The following DYNC1I1 variants were observed in gnomAD, a reference collection of about 807,000 sequenced individuals.
DYNC1I1 encodes the protein cytoplasmic dynein 1 intermediate chain 1.
In DYNC1I1, 43 loss-of-function variants were observed where a neutral mutation model predicts 86.6. The observed-to-expected ratio is 0.50, with a 90% confidence interval of 0.39 to 0.64. DYNC1I1 has a LOEUF of 0.64. Ranked by LOEUF, DYNC1I1 falls within the 30% of genes least tolerant of loss-of-function variation. DYNC1I1 has a pLI of 0.00. For missense variants in DYNC1I1, 604 were observed against 788.8 expected, an observed-to-expected ratio of 0.77 and a Z score of 2.81; for synonymous variants, 262 against 283.7, an observed-to-expected ratio of 0.92 and a Z score of 0.77.
At chr7:95,783,709 G>T (rs1318945203) in intron 1 of DYNC1I1, among the ~76,000 whole-genome samples, 1 of 152,112 alleles carries the variant, frequency 6.6e-6, no homozygotes, top group African/African-American at 2.4e-5. Flanking sequence ...CTCCTCTTTT[G>T]TTTTTGGACC....
intron 11 of DYNC1I1, among the ~76,000 whole-genome samples, chr7:96,032,273 T>A (rs1794831543): frequency 6.6e-6 from 1 of 152,158 alleles, no homozygotes; most frequent in South Asian, 2.1e-4. Flanking sequence ...AAGTCAGTAG[T>A]TCTACCCTTT....
At chr7:95,825,050 AC>A (rs1393479500) in intron 4 of DYNC1I1, among the ~76,000 whole-genome samples, 6 of 152,302 alleles carry the variant, frequency 3.9e-5, no homozygotes, top group Admixed American at 3.3e-4. Flanking sequence ...CCTTGGCTTC[AC>A]CCCTTAGCCC....
chr7:95,773,383 G>C (rs1007299172), intron 1 of DYNC1I1, among the ~76,000 whole-genome samples: 1 of 152,070 alleles, frequency 6.6e-6, no homozygotes, highest in Non-Finnish European at 1.5e-5. Context: ...ACACCTTCAC[G>C]GCCGCCTGGC....
chr7:95,902,577 G>A (rs1277715295), intron 6 of DYNC1I1, among the ~76,000 whole-genome samples: 1 of 152,170 alleles, frequency 6.6e-6, no homozygotes, highest in Non-Finnish European at 1.5e-5. Flanking sequence ...ATATGTTATT[G>A]CTATGCTTGA....
intron 1 of DYNC1I1, among the ~76,000 whole-genome samples, chr7:95,789,794 T>C (rs980186448): frequency 6.6e-6 from 1 of 152,192 alleles, no homozygotes; most frequent in Non-Finnish European, 1.5e-5. Flanking sequence ...GAATTAAAAA[T>C]TTTTCAGTTT....
intron 14 of DYNC1I1, among the ~76,000 whole-genome samples, chr7:96,056,849 G>T (rs973387773): frequency 1.1e-4 from 17 of 152,186 alleles, no homozygotes; most frequent in East Asian, 9.6e-4. Flanking sequence ...TGCATATATG[G>T]CATGTGAAGT....
chr7:96,001,069 C>T (rs1197093078), intron 10 of DYNC1I1, among the ~76,000 whole-genome samples: 2 of 152,168 alleles, frequency 1.3e-5, no homozygotes, highest in Non-Finnish European at 2.9e-5. Context: ...TGCTGCATCC[C>T]GTTAATGTGC....
chr7:95,876,029 T>C (rs1343915605), intron 6 of DYNC1I1, among the ~76,000 whole-genome samples: 1 of 152,154 alleles, frequency 6.6e-6, no homozygotes, highest in African/African-American at 2.4e-5. Context: ...CCTCACCTGT[T>C]CTTTTCTCAG....
chr7:95,912,464 A>C (rs899717921), intron 6 of DYNC1I1, among the ~76,000 whole-genome samples: 5 of 152,312 alleles, frequency 3.3e-5, no homozygotes, highest in African/African-American at 1.2e-4. Flanking sequence ...TCTCTTGTTC[A>C]GGGTGTGCAG....
intron 1 of DYNC1I1, among the ~76,000 whole-genome samples, chr7:95,784,761 G>A (rs1412682023): frequency 1.3e-5 from 2 of 152,198 alleles, no homozygotes; most frequent in African/African-American, 4.8e-5. Context: ...GGAAGTTCAA[G>A]CATGTCACCT....
At chr7:95,837,274 C>T (rs1408121108) in intron 5 of DYNC1I1, among the ~76,000 whole-genome samples, 2 of 151,876 alleles carry the variant, frequency 1.3e-5, no homozygotes, top group African/African-American at 4.8e-5. Context: ...CCCAGTTAGG[C>T]TGCTCGGGGG....
intron 10 of DYNC1I1, among the ~76,000 whole-genome samples, chr7:95,999,710 G>T (rs1168414181): frequency 1.3e-5 from 2 of 152,150 alleles, no homozygotes; most frequent in African/African-American, 4.8e-5. Flanking sequence ...GGGACAGAAA[G>T]TTAGGACTCG....
At chr7:95,966,227 A>G (rs1168783894) in intron 6 of DYNC1I1, among the ~76,000 whole-genome samples, 1 of 152,208 alleles carries the variant, frequency 6.6e-6, no homozygotes, top group East Asian at 1.9e-4. Flanking sequence ...GGCACTCTTT[A>G]TTCACATCTG....
intron 9 of DYNC1I1, among the ~76,000 whole-genome samples, chr7:95,994,404 A>T (rs1039799899): frequency 1.3e-5 from 2 of 152,324 alleles, no homozygotes; most frequent in Admixed American, 6.5e-5. Flanking sequence ...AGCTGATAAC[A>T]GGCAAGGAAG....
At position 96,061,712 on chromosome 7, in the gene DYNC1I1, TCA is replaced by T. The variant is rs147547424; in HGVS notation, c.1510-14323_1510-14322del. 6.7e-3 allele frequency among the ~76,000 whole-genome samples: 919 copies of T among 136,830 alleles called. 1 individual carries two copies. The highest frequency in any genetic ancestry group is 0.022 in the Middle Eastern group (6 of 270). The allele number at this position is 136,830 out of a possible 152,430, so 89.8% of individuals were successfully genotyped here. ...CTCCCTCCCTCTCTCTCTCTCTCTC[TCA>T]CACACACACACACACACACACGCAC... On this transcript the variant is annotated intron_variant, in intron 14 of 16. Transcript: ENST00000447467.
intron 5 of DYNC1I1, among the ~76,000 whole-genome samples, chr7:95,835,934 A>C (rs953790234): frequency 6.6e-6 from 1 of 152,166 alleles, no homozygotes; most frequent in African/African-American, 2.4e-5. Flanking sequence ...CCAATTTGCC[A>C]GTCTGTATCT....
intron 6 of DYNC1I1, among the ~76,000 whole-genome samples, chr7:95,968,824 CTGTGTGTGTGTGTGTG>C (rs56022930): frequency 2.0e-4 from 19 of 94,356 alleles, no homozygotes; most frequent in African/African-American, 3.2e-4. Context: ...ATTTTTTGCT[CTGTGTGTGTGTGTGTG>C]TGTGTGTGTG....
At chr7:96,025,839 G>GC (rs991829342) in intron 10 of DYNC1I1, among the ~76,000 whole-genome samples, 7 of 111,854 alleles carry the variant, frequency 6.3e-5, no homozygotes, top group East Asian at 3.4e-4. Context: ...GTACAAGCTT[G>GC]CGGGGGGGGG....
chr7:95,848,486 CTTG>C (rs746162593), intron 5 of DYNC1I1, among the ~76,000 whole-genome samples: 13 of 152,060 alleles, frequency 8.5e-5, no homozygotes, highest in Admixed American at 3.3e-4. Flanking sequence ...TCATACAGTA[CTTG>C]TTGTTCTGTA....
Sources: gnomAD v4.1 joint callset for allele counts (sites outside exome capture counted in the v4.1 genomes callset) on GRCh38, gnomAD v4.1.1 for gene constraint, MANE v1.5 for transcripts, NCBI Gene and HGNC (gene_info 2026-07-23, HGNC 2026-07-21) for gene names.